The following SYT14 variants were observed in gnomAD, a reference collection of about 807,000 sequenced individuals.
The protein encoded by SYT14 is synaptotagmin 14, also known as synaptotagmin-14.
A neutral mutation model predicts 74.2 loss-of-function variants in SYT14; 32 were observed. The observed-to-expected ratio is 0.43, with a 90% CI of 0.33 to 0.58. The LOEUF (loss-of-function observed/expected upper bound fraction) is 0.58. SYT14 is among the 20% of genes least tolerant of loss of function. The pLI is 0.05. For synonymous variants in SYT14, 298 were observed against 337.7 expected, an observed-to-expected ratio of 0.88 and a Z score of 1.29; for missense variants, 791 against 981.8, an observed-to-expected ratio of 0.81 and a Z score of 2.60.
chr1:209,969,109 G>T lies in SYT14; in HGVS notation c.-486+16353G>T, dbSNP rs138066665. On this transcript the variant is annotated intron_variant, in intron 2 of 9. Coordinates refer to ENST00000637265, the Ensembl canonical transcript of SYT14. ...TTTTTATGGCTGTGTAGTATTCCAT[G>T]GCGTTTATGGACACATTTTCTTTAT... Among the ~76,000 whole-genome samples, 60 of 152,208 alleles carry T rather than the reference G, an allele frequency of 3.9e-4. 2 individuals are homozygous for T. The East Asian group carries it at 0.011, about 28-fold the overall frequency.
intron 7 of SYT14, among the ~76,000 whole-genome samples, chr1:210,136,837 C>T (rs1450885222): frequency 6.6e-6 from 1 of 152,138 alleles, no homozygotes; most frequent in Non-Finnish European, 1.5e-5. Flanking sequence ...ACTTAGTGTG[C>T]AGACTGTTAG....
chr1:210,009,404 A>T (rs1262445792), intron 2 of SYT14, among the ~76,000 whole-genome samples: 1 of 152,200 alleles, frequency 6.6e-6, no homozygotes, highest in African/African-American at 2.4e-5. Context: ...AAATAGATAA[A>T]ATATTTTTAA....
At chr1:210,124,253 A>G (rs1271993315) in intron 7 of SYT14, among the ~76,000 whole-genome samples, 1 of 151,576 alleles carries the variant, frequency 6.6e-6, no homozygotes, top group Non-Finnish European at 1.5e-5. Context: ...TGAAAAAAAA[A>G]AATAAATAAA....
intron 7 of SYT14, among the ~76,000 whole-genome samples, chr1:210,136,604 A>T (rs1465189610): frequency 2.6e-5 from 4 of 152,200 alleles, no homozygotes; most frequent in Non-Finnish European, 4.4e-5. Context: ...GAAGGGGCTG[A>T]TGAACAAAAA....
chr1:210,135,173 G>T (rs2082758342), intron 7 of SYT14, among the ~76,000 whole-genome samples: 1 of 151,934 alleles, frequency 6.6e-6, no homozygotes, highest in African/African-American at 2.4e-5. Context: ...GTAGAGACAG[G>T]GTTTTGCCAT....
chr1:210,000,821 G>T (rs1253640618), intron 2 of SYT14, among the ~76,000 whole-genome samples: 1 of 151,780 alleles, frequency 6.6e-6, no homozygotes, highest in African/African-American at 2.4e-5. Flanking sequence ...CACCATCTTG[G>T]CCAGGCTGGT....
chr1:210,156,965 AT>A, intron 8 of SYT14: 1 of 270,634 alleles, frequency 3.7e-6, no homozygotes, highest in South Asian at 3.3e-5. Context: ...AAGTGCTGGG[AT>A]TACAGGCGTG....
chr1:209,970,188 A>G (rs114503481), intron 2 of SYT14, among the ~76,000 whole-genome samples: 2,114 of 152,244 alleles, frequency 0.014, 22 homozygotes, highest in Middle Eastern at 0.027. Flanking sequence ...TAGAATTTTT[A>G]TAGCTTCAGA....
chr1:210,121,569 C>T (rs1328322344), intron 7 of SYT14, among the ~76,000 whole-genome samples: 5 of 151,912 alleles, frequency 3.3e-5, no homozygotes, highest in Admixed American at 6.6e-5. Flanking sequence ...CCAAGGTGGG[C>T]GGATCACAAG....
intron 5 of SYT14, among the ~76,000 whole-genome samples, chr1:210,069,809 T>C (rs950374679): frequency 6.6e-6 from 1 of 151,980 alleles, no homozygotes; most frequent in Non-Finnish European, 1.5e-5. Context: ...TTTTTCTCTC[T>C]GTTATACCTT....
intron 7 of SYT14, among the ~76,000 whole-genome samples, chr1:210,116,594 C>G (rs1377758370): frequency 6.6e-6 from 1 of 152,134 alleles, no homozygotes; most frequent in African/African-American, 2.4e-5. Context: ...TGATCTGCCC[C>G]CCTTGGCCTC....
intron 1 of SYT14, among the ~76,000 whole-genome samples, chr1:209,941,501 A>G (rs2078729454): frequency 2.0e-5 from 3 of 152,282 alleles, no homozygotes; most frequent in African/African-American, 7.2e-5. Flanking sequence ...GGCCTCTGTT[A>G]ATCTGATAGC....
chr1:210,018,997 A>C (rs2080246174), intron 4 of SYT14, among the ~76,000 whole-genome samples: 1 of 151,874 alleles, frequency 6.6e-6, no homozygotes, highest in Admixed American at 6.6e-5. Context: ...TTAGCCGGGC[A>C]TGGTGGTGGG....
intron 4 of SYT14, chr1:210,017,231 C>T (rs1358067377): frequency 1.7e-6 from 1 of 576,048 alleles, no homozygotes; most frequent in East Asian, 3.5e-5. Flanking sequence ...AATCCTTTTA[C>T]TGGGAAACAT....
chr1:210,059,451 T>TATATATATATATAGAGAGAG (rs377050610), intron 5 of SYT14, among the ~76,000 whole-genome samples: 31 of 69,902 alleles, frequency 4.4e-4, no homozygotes, highest in African/African-American at 7.1e-4. Context: ...TATATATATA[T>TATATATATATATAGAGAGAG]AGAGAGAGAG....
At chr1:210,083,027 C>A (rs2081645727) in intron 5 of SYT14, among the ~76,000 whole-genome samples, 2 of 151,780 alleles carry the variant, frequency 1.3e-5, no homozygotes, top group Non-Finnish European at 2.9e-5. Context: ...GTCACCCAAG[C>A]TGGAGTGCAG....
At position 209,962,270 on chromosome 1, in the gene SYT14, T is replaced by TA. The variant is rs543050565; in HGVS notation, c.-486+9514_-486+9515insA. ...GGTTCTTAGCGTAGATATCTTTTTT[T>TA]TATATATATATATAGCTCAGTGACT... is the stretch of plus-strand genomic sequence containing the variant. On this transcript the variant is annotated intron_variant, in intron 2 of 9. Transcript: ENST00000637265. Among the ~76,000 whole-genome samples, 1,224 of 151,038 alleles carry TA rather than the reference T, an allele frequency of 8.1e-3. 21 individuals are homozygous for TA. The highest frequency in any genetic ancestry group is 0.028 in the African/African-American group (1,135 of 41,270).
intron 5 of SYT14, among the ~76,000 whole-genome samples, chr1:210,084,058 G>A (rs1385578162): frequency 1.3e-5 from 2 of 152,084 alleles, no homozygotes; most frequent in African/African-American, 4.8e-5. Flanking sequence ...TACCATCAGG[G>A]CTTCCCAATG....
chr1:209,943,827 T>G (rs2078778643), intron 1 of SYT14, among the ~76,000 whole-genome samples: 1 of 152,172 alleles, frequency 6.6e-6, no homozygotes, highest in African/African-American at 2.4e-5. Flanking sequence ...CTACTATATA[T>G]AAAACATTTC....
Sources: allele counts gnomAD v4.1 joint callset (sites outside exome capture counted in the v4.1 genomes callset), GRCh38; gene constraint gnomAD v4.1.1; transcripts MANE v1.5; gene names NCBI Gene and HGNC (gene_info 2026-07-23, HGNC 2026-07-21).